Variants in STK31 observed in about 807,000 individuals in gnomAD.
The protein encoded by STK31 is serine/threonine kinase 31.
In STK31, 89 loss-of-function variants were observed where a neutral mutation model predicts 129.7. The ratio of observed to expected loss-of-function variants is 0.69; its 90% CI spans 0.58 to 0.82. STK31 has a LOEUF of 0.82. STK31 is among the 40% of genes least tolerant of loss of function. STK31 has a pLI of 0.00. For missense variants in STK31, 1,187 were observed against 1,176.4 expected, an observed-to-expected ratio of 1.01 and a Z score of -0.13; for synonymous variants, 448 against 395.3, an observed-to-expected ratio of 1.13 and a Z score of -1.58.
At position 23,736,976 on chromosome 7, in the gene STK31, A is replaced by G; in HGVS notation, c.915A>G (p.Lys305=). The change falls in exon 8 of 24, where the codon AAA becomes AAG. Residue 305 remains lysine (K), a synonymous_variant. Coordinates refer to ENST00000355870, the MANE Select transcript of STK31 (RefSeq NM_031414.5). ...TGGAAAAAATTAAGCAGGACCAGAA[A>G]CTGATTGAAGAAAATGAAAAACTTA... The part of the protein sequence containing the change: ...VSLEKIKQDQ[K]LIEENEKLKT... 1.2e-6 allele frequency: 2 copies of G among 1,613,880 alleles called. No individual in the cohort carries two copies. The highest frequency in any genetic ancestry group is 1.7e-6 in the Non-Finnish European group (2 of 1,179,904).
At chr7:23,781,295 T>C (rs1790909020) in intron 15 of STK31, 124 bp from the exon 16 acceptor site, 1 of 632,378 alleles carries the variant, frequency 1.6e-6, no homozygotes. Context: ...AAGGGTCTTT[T>C]ATGTGCTAGG....
At chr7:23,712,832 A>G (rs1177484567) in intron 3 of STK31, among the ~76,000 whole-genome samples, 1 of 152,204 alleles carries the variant, frequency 6.6e-6, no homozygotes, top group Non-Finnish European at 1.5e-5. Flanking sequence ...TCCACAATTT[A>G]AGAAGGTAAA....
At chr7:23,788,866 C>T (rs1443457322) in intron 21 of STK31, among the ~76,000 whole-genome samples, 1 of 152,112 alleles carries the variant, frequency 6.6e-6, no homozygotes, top group Non-Finnish European at 1.5e-5. Flanking sequence ...GTTTGTAGTA[C>T]ATTCACAAAG....
chr7:23,766,404 A>G (rs1046119309), intron 11 of STK31, among the ~76,000 whole-genome samples: 4 of 152,174 alleles, frequency 2.6e-5, no homozygotes, highest in Non-Finnish European at 5.9e-5. Flanking sequence ...CTGGGACTAC[A>G]GGCATGCACC....
intron 10 of STK31, among the ~76,000 whole-genome samples, chr7:23,761,743 A>G (rs1191065737): frequency 6.6e-6 from 1 of 151,200 alleles, no homozygotes; most frequent in Admixed American, 6.6e-5. Context: ...AGTAGGCTTT[A>G]CTTGAGGTCT....
rs76512493 is a variant in STK31, at chr7:23,717,821, G to C, written c.249+242G>C. ...AATCTTCAGGACATTAGCTAAATAA[G>C]CCAGTCACAAGAGGACAAATACTGT... On this transcript the variant is annotated intron_variant, in intron 4 of 23. Coordinates refer to ENST00000355870, the MANE Select transcript of STK31 (RefSeq NM_031414.5). Among the ~76,000 whole-genome samples, 1,073 of 152,264 alleles carry C rather than the reference G, an allele frequency of 7.0e-3. 2 individuals carry two copies. The highest frequency in any genetic ancestry group is 0.026 in the South Asian group (124 of 4,824).
intron 22 of STK31, among the ~76,000 whole-genome samples, chr7:23,805,555 C>G (rs1248336217): frequency 2.6e-5 from 4 of 152,100 alleles, no homozygotes; most frequent in Non-Finnish European, 5.9e-5. Flanking sequence ...CACTATACAG[C>G]TCATTGCAGC....
intron 6 of STK31, among the ~76,000 whole-genome samples, chr7:23,730,963 C>T (rs1318456119): frequency 6.9e-6 from 1 of 144,564 alleles, no homozygotes; most frequent in African/African-American, 2.6e-5. Flanking sequence ...CGGCTCACTG[C>T]AACCTCCGCC....
At chr7:23,750,067 T>TCCGCC (rs1554287953) in intron 8 of STK31, among the ~76,000 whole-genome samples, 2 of 90,556 alleles carry the variant, frequency 2.2e-5, no homozygotes, top group Non-Finnish European at 4.7e-5. Flanking sequence ...ATGGTTTGTT[T>TCCGCC]CCCCCCCCGC....
intron 8 of STK31, among the ~76,000 whole-genome samples, chr7:23,749,423 A>G (rs1185034647): frequency 6.9e-6 from 1 of 145,914 alleles, no homozygotes; most frequent in Admixed American, 6.8e-5. Context: ...GCTCACTGCA[A>G]CCTCCACCTC....
chr7:23,782,533 A>G (rs1377219321), intron 16 of STK31, among the ~76,000 whole-genome samples: 1 of 151,996 alleles, frequency 6.6e-6, no homozygotes, highest in Non-Finnish European at 1.5e-5. Flanking sequence ...TGTGAAAACA[A>G]TAGGTAAGTG....
At chr7:23,718,876 A>G (rs564645608) in intron 4 of STK31, among the ~76,000 whole-genome samples, 3 of 152,176 alleles carry the variant, frequency 2.0e-5, no homozygotes, top group African/African-American at 7.2e-5. Flanking sequence ...TAGAATTGCT[A>G]AATTGTAGGG....
intron 8 of STK31, among the ~76,000 whole-genome samples, chr7:23,745,476 A>G (rs982178388): frequency 4.0e-4 from 61 of 152,176 alleles, no homozygotes; most frequent in Non-Finnish European, 2.6e-4. Context: ...GTGAACATGT[A>G]CTTTGCTCTT....
chr7:23,822,764 A>G (rs1584503061), intron 23 of STK31, among the ~76,000 whole-genome samples: 1 of 152,044 alleles, frequency 6.6e-6, no homozygotes, highest in African/African-American at 2.4e-5. Context: ...ACCCCACAAC[A>G]GTCCCCGGTA....
At chr7:23,794,323 C>G (rs4719736) in intron 22 of STK31, among the ~76,000 whole-genome samples, 149,159 of 152,330 alleles carry the variant, frequency 0.98, 73,129 homozygotes, top group East Asian at 1. Context: ...TCTTGCTGCC[C>G]CCATGTGAAG....
chr7:23,779,698 G>A (rs916583175), intron 15 of STK31, among the ~76,000 whole-genome samples: 2 of 152,156 alleles, frequency 1.3e-5, no homozygotes, highest in African/African-American at 4.8e-5. Context: ...AACCAAGCTG[G>A]AGTGACCCAG....
intron 23 of STK31, among the ~76,000 whole-genome samples, chr7:23,830,306 G>A (rs887287316): frequency 5.9e-4 from 90 of 151,652 alleles, no homozygotes; most frequent in African/African-American, 2.0e-3. Context: ...TGCTCCCATC[G>A]TTATTCTTCG....
At chr7:23,717,352 A>G in intron 3 of STK31, 129 bp from the exon 4 acceptor site, 3 of 499,878 alleles carry the variant, frequency 6.0e-6, no homozygotes, top group Non-Finnish European at 1.0e-5. Context: ...GAAAAAATAC[A>G]GGCATAAGAA....
chr7:23,739,912 T>C (rs536632571), intron 8 of STK31, among the ~76,000 whole-genome samples: 2 of 152,156 alleles, frequency 1.3e-5, no homozygotes, highest in African/African-American at 2.4e-5. Flanking sequence ...TAGCGTGATG[T>C]CTCCAGGTTT....
Sources: gnomAD v4.1 joint callset for allele counts (sites outside exome capture counted in the v4.1 genomes callset) on GRCh38, gnomAD v4.1.1 for gene constraint, MANE v1.5 for transcripts, NCBI Gene and HGNC (gene_info 2026-07-23, HGNC 2026-07-21) for gene names.